GRM7: variants seen among roughly 807,000 people sequenced by gnomAD.
The protein encoded by GRM7 is glutamate metabotropic receptor 7, also known as metabotropic glutamate receptor 7.
A neutral mutation model predicts 84.5 loss-of-function variants in GRM7; 35 were observed. The ratio of observed to expected loss-of-function variants is 0.41; its 90% CI spans 0.32 to 0.55. The LOEUF (loss-of-function observed/expected upper bound fraction) is 0.55. GRM7 is among the 20% of genes least tolerant of loss of function. The pLI is 0.19. For missense variants in GRM7, 1,003 were observed against 1,194.6 expected (o/e 0.84, Z 2.36); for synonymous variants, 487 against 455.1 (o/e 1.07, Z -0.89).
chr3:6,972,288 A>T (rs1329590017), intron 1 of GRM7, among the ~76,000 whole-genome samples: 5 of 152,198 alleles, frequency 3.3e-5, no homozygotes, highest in Non-Finnish European at 5.9e-5. Flanking sequence ...TCTCTGAGTT[A>T]GATTTTGAAT....
intron 8 of GRM7, among the ~76,000 whole-genome samples, chr3:7,584,781 G>C (rs1249244283): frequency 6.6e-6 from 1 of 152,174 alleles, no homozygotes; most frequent in African/African-American, 2.4e-5. Context: ...TATGCGAGTA[G>C]AGTAAGCTTT....
rs764014322 is a variant in GRM7 at position 7,740,377 on chromosome 3, T to C, written c.2719T>C (p.Tyr907His). ...TTCAGGCCCTGCTGCAAAAAAGAAGTATGTCAGTTATAATAACCTGGTTAT... is the reference window on the plus strand; with the variant it reads ...TTCAGGCCCTGCTGCAAAAAAGAAGCATGTCAGTTATAATAACCTGGTTAT... ...DPNSPAAKKK[Y>H]VSYNNLVI is the part of the protein sequence containing the mutation. Residue 907 changes from tyrosine (Y) to histidine (H), a missense_variant, in exon 10 of 10, where the codon TAT becomes CAT. This residue lies in a region of GRM7 where 910 missense variants were observed against 1,126.0 expected (regional missense o/e 0.81). Coordinates refer to ENST00000357716, the MANE Select transcript of GRM7 (RefSeq NM_000844.4). 1.3e-6 allele frequency: 2 copies of C among 1,589,730 alleles called. No individual in the cohort carries two copies. Among genetic ancestry groups the C allele is most frequent in the Non-Finnish European group, 1.7e-6 (2 of 1,162,982 alleles).
intron 7 of GRM7, among the ~76,000 whole-genome samples, chr3:7,568,575 T>A (rs1559408429): frequency 6.6e-6 from 1 of 152,182 alleles, no homozygotes; most frequent in Non-Finnish European, 1.5e-5. Flanking sequence ...GCCGGCTCCC[T>A]TAGCTTGCAG....
At chr3:7,593,952 A>G (rs1334670925) in intron 8 of GRM7, among the ~76,000 whole-genome samples, 1 of 152,098 alleles carries the variant, frequency 6.6e-6, no homozygotes, top group Non-Finnish European at 1.5e-5. Flanking sequence ...AGGGGGAAAA[A>G]AAAAAACACT....
intron 1 of GRM7, among the ~76,000 whole-genome samples, chr3:7,142,833 G>A (rs1482641863): frequency 6.6e-6 from 1 of 152,004 alleles, no homozygotes; most frequent in Admixed American, 6.6e-5. Context: ...ATTTTAAATA[G>A]GTTATAGATG....
chr3:7,177,714 A>G (rs565821448), intron 2 of GRM7, among the ~76,000 whole-genome samples: 2 of 152,310 alleles, frequency 1.3e-5, no homozygotes, highest in South Asian at 2.1e-4. Context: ...ATCGAGAATC[A>G]TGATATATAA....
At chr3:7,499,507 T>C (rs1290514138) in intron 7 of GRM7, among the ~76,000 whole-genome samples, 1 of 152,198 alleles carries the variant, frequency 6.6e-6, no homozygotes, top group Non-Finnish European at 1.5e-5. Context: ...TAAAAGCTAA[T>C]GTTTACTTGG....
intron 1 of GRM7, among the ~76,000 whole-genome samples, chr3:6,920,643 A>G (rs937089703): frequency 1.3e-5 from 2 of 151,986 alleles, no homozygotes; most frequent in African/African-American, 4.8e-5. Context: ...TTAAGTGTCT[A>G]TATTTTACTC....
intron 2 of GRM7, among the ~76,000 whole-genome samples, chr3:7,182,982 C>T (rs934559996): frequency 2.8e-5 from 4 of 144,750 alleles, no homozygotes; most frequent in African/African-American, 1.0e-4. Context: ...TAATGCAACT[C>T]ATCACAGCAT....
At chr3:7,648,963 G>A (rs1698795551) in intron 8 of GRM7, among the ~76,000 whole-genome samples, 1 of 150,574 alleles carries the variant, frequency 6.6e-6, no homozygotes, top group African/African-American at 2.5e-5. Context: ...GGAGCAAACT[G>A]AAGGAAGCAC....
intron 8 of GRM7, among the ~76,000 whole-genome samples, chr3:7,601,032 G>T (rs1696288278): frequency 6.6e-6 from 1 of 152,116 alleles, no homozygotes; most frequent in Non-Finnish European, 1.5e-5. Flanking sequence ...CTGCCATGGA[G>T]TCTTTGCACA....
intron 8 of GRM7, among the ~76,000 whole-genome samples, chr3:7,678,666 C>T (rs891247224): frequency 2.6e-5 from 4 of 152,212 alleles, no homozygotes; most frequent in African/African-American, 9.6e-5. Context: ...GTATTATAGT[C>T]AGCAGCTGGT....
chr3:7,354,133 T>G (rs562896443), intron 4 of GRM7, among the ~76,000 whole-genome samples: 4 of 152,268 alleles, frequency 2.6e-5, no homozygotes, highest in African/African-American at 9.6e-5. Context: ...ACTAAAAAGT[T>G]GTGCTGTCAA....
chr3:6,919,365 A>AT (rs60633616), intron 1 of GRM7, among the ~76,000 whole-genome samples: 50,240 of 109,110 alleles, frequency 0.46, 12,258 homozygotes, highest in African/African-American at 0.7. Flanking sequence ...TGCCTGGCTA[A>AT]TTTTTTTTTT....
intron 1 of GRM7, among the ~76,000 whole-genome samples, chr3:7,044,963 G>A (rs775541904): frequency 6.6e-6 from 1 of 152,122 alleles, no homozygotes; most frequent in Admixed American, 6.6e-5. Flanking sequence ...ATTAGTTAAA[G>A]CATTTCATTT....
rs1162950071 is a variant in GRM7 at position 6,877,774 on chromosome 3, T to C, written c.519+15867T>C. On this transcript the variant is annotated intron_variant, in intron 1 of 9. Coordinates refer to ENST00000357716, the MANE Select transcript of GRM7 (RefSeq NM_000844.4). Reference sequence around the variant, plus strand: ...ATAGATGGACATGAAAAATTTTAAATTGAGGATATATATACACATATACCT... The same window carrying C: ...ATAGATGGACATGAAAAATTTTAAACTGAGGATATATATACACATATACCT... Among the ~76,000 whole-genome samples, 9 of 150,822 alleles carry C rather than the reference T, an allele frequency of 6.0e-5. 1 individual carries two copies. The highest frequency in any genetic ancestry group is 4.2e-4 in the South Asian group (2 of 4,762).
intron 2 of GRM7, among the ~76,000 whole-genome samples, chr3:7,233,622 A>G (rs1209935068): frequency 1.3e-5 from 2 of 152,182 alleles, no homozygotes; most frequent in African/African-American, 4.8e-5. Flanking sequence ...TGAGTAACAT[A>G]GAAATAGTCA....
chr3:7,379,502 CAAT>C (rs1309510575), intron 4 of GRM7, among the ~76,000 whole-genome samples: 5 of 152,286 alleles, frequency 3.3e-5, no homozygotes, highest in Non-Finnish European at 5.9e-5. Flanking sequence ...AGTATGCTAA[CAAT>C]AACACCTCAT....
At chr3:7,075,496 A>ATGTGTG (rs376048569) in intron 1 of GRM7, among the ~76,000 whole-genome samples, 5,563 of 138,360 alleles carry the variant, frequency 0.04, 150 homozygotes, top group East Asian at 0.073. Flanking sequence ...TGCTTCTCAG[A>ATGTGTG]TGTGTGTGTG....
Sources: allele counts gnomAD v4.1 joint callset (sites outside exome capture counted in the v4.1 genomes callset), GRCh38; gene constraint gnomAD v4.1.1; regional missense constraint gnomAD v4.1.1; transcripts MANE v1.5; gene names NCBI Gene and HGNC (gene_info 2026-07-23, HGNC 2026-07-21).